Variants in PTGER4 observed in about 807,000 individuals in gnomAD.
The protein encoded by PTGER4 is prostaglandin E receptor 4.
A neutral mutation model predicts 33.2 loss-of-function variants in PTGER4; 11 were observed. The observed-to-expected ratio is 0.33, with a 90% CI of 0.21 to 0.55. PTGER4 has a LOEUF of 0.55. Among genes scored for constraint, PTGER4 ranks in the 20% least tolerant of loss-of-function variants. The pLI is 0.92. For missense variants in PTGER4, 481 were observed against 650.2 expected (o/e 0.74, Z 2.83); for synonymous variants, 275 against 281.5 (o/e 0.98, Z 0.23).
the PTGER4 span, among the ~76,000 whole-genome samples, chr5:40,732,229 C>G: frequency 6.6e-6 from 1 of 152,004 alleles, no homozygotes; most frequent in East Asian, 1.9e-4. Flanking sequence ...GTTGCTCAGG[C>G]TGGTCTCAAA....
the PTGER4 span, among the ~76,000 whole-genome samples, chr5:40,739,491 G>T: frequency 6.6e-6 from 1 of 152,148 alleles, no homozygotes; most frequent in Non-Finnish European, 1.5e-5. Context: ...CATGGGGGCA[G>T]GTTTCCCTCT....
chr5:40,698,092 C>CAAAAAAAAAA (rs1156254550), downstream of PTGER4, among the ~76,000 whole-genome samples: 94 of 40,030 alleles, frequency 2.3e-3, 5 homozygotes, highest in South Asian at 3.5e-3. Flanking sequence ...CCTGTCTCTA[C>CAAAAAAAAAA]AAAAAAAAAA....
At chr5:40,704,498 T>C in the PTGER4 span, among the ~76,000 whole-genome samples, 1 of 152,006 alleles carries the variant, frequency 6.6e-6, no homozygotes, top group African/African-American at 2.4e-5. Context: ...AATCAGGCAA[T>C]AAAAAGAAAT....
At chr5:40,695,326 C>T (rs1158298368), downstream of PTGER4, among the ~76,000 whole-genome samples, 3 of 152,032 alleles carry the variant, frequency 2.0e-5, no homozygotes, top group East Asian at 3.9e-4. Context: ...GGGCAGATCA[C>T]GAGGTCAGGA....
At chr5:40,696,759 A>C (rs954937985), downstream of PTGER4, 7 of 925,060 alleles carry the variant, frequency 7.6e-6, no homozygotes, top group Non-Finnish European at 9.0e-6. Context: ...AATCTGAACA[A>C]TTAGGTAAGT....
At chr5:40,687,562 G>A (rs1741357435) in intron 2 of PTGER4, among the ~76,000 whole-genome samples, 2 of 152,216 alleles carry the variant, frequency 1.3e-5, no homozygotes, top group Non-Finnish European at 1.5e-5. Flanking sequence ...AAATCAAGTA[G>A]CCTACTTAAA....
intron 2 of PTGER4, among the ~76,000 whole-genome samples, chr5:40,684,402 G>A (rs560582307): frequency 2.0e-5 from 3 of 152,100 alleles, no homozygotes; most frequent in South Asian, 4.1e-4. Context: ...CTTTGGAAAG[G>A]CTAACAAAGC....
chr5:40,724,263 G>A, the PTGER4 span, among the ~76,000 whole-genome samples: 2 of 152,184 alleles, frequency 1.3e-5, no homozygotes, highest in Non-Finnish European at 2.9e-5. Context: ...AGTGAAAGAA[G>A]CCAGTCACAG....
At chr5:40,738,490 AATACAATACAATAC>A in the PTGER4 span, among the ~76,000 whole-genome samples, 1 of 137,344 alleles carries the variant, frequency 7.3e-6, no homozygotes, top group African/African-American at 2.8e-5. Flanking sequence ...AATACAATAC[AATACAATACAATAC>A]AATAAAATAC....
downstream of PTGER4, among the ~76,000 whole-genome samples, chr5:40,698,264 C>A (rs111789476): frequency 8.2e-3 from 1,237 of 151,774 alleles, 7 homozygotes; most frequent in Non-Finnish European, 0.013. Context: ...GGCAACAAAC[C>A]AAGACCCTGT....
chr5:40,697,231 AAAGAAAGAAAGAAAGAAAGAAAGAAAG>A (rs1315079208), downstream of PTGER4, among the ~76,000 whole-genome samples: 1 of 37,100 alleles, frequency 2.7e-5, no homozygotes, highest in Non-Finnish European at 6.1e-5. Flanking sequence ...AGAAGAAAAG[AAAGAAAGAAAGAAAGAAAGAAAGAAAG>A]AAAGAAAGAA....
At chr5:40,733,968 T>C in the PTGER4 span, among the ~76,000 whole-genome samples, 12 of 152,318 alleles carry the variant, frequency 7.9e-5, no homozygotes, top group Non-Finnish European at 1.3e-4. Flanking sequence ...ATGTCCTCTC[T>C]TCTCAACTGC....
chr5:40,687,567 C>T (rs1741357587), intron 2 of PTGER4, among the ~76,000 whole-genome samples: 1 of 152,212 alleles, frequency 6.6e-6, no homozygotes, highest in South Asian at 2.1e-4. Context: ...AAGTAGCCTA[C>T]TTAAAGTGAA....
chr5:40,696,999 GGAAAGAAAGAGA>G (rs1169861561), downstream of PTGER4, among the ~76,000 whole-genome samples: 6 of 127,386 alleles, frequency 4.7e-5, no homozygotes, highest in African/African-American at 1.2e-4. Context: ...AAAGAGAAAG[GGAAAGAAAGAGA>G]GAAAGAAAGA....
chr5:40,712,767 T>A, the PTGER4 span, among the ~76,000 whole-genome samples: 73 of 152,246 alleles, frequency 4.8e-4, no homozygotes, highest in African/African-American at 1.7e-3. Context: ...GAGATTAGAA[T>A]TCCTTGGTAA....
the PTGER4 span, among the ~76,000 whole-genome samples, chr5:40,704,772 G>A: frequency 6.6e-6 from 1 of 152,210 alleles, no homozygotes; most frequent in Non-Finnish European, 1.5e-5. Context: ...AACCAGGGAT[G>A]TGAATGGTCT....
At chr5:40,696,781 T>C (rs991346184), downstream of PTGER4, 15 of 872,612 alleles carry the variant, frequency 1.7e-5, no homozygotes, top group African/African-American at 2.6e-4. Context: ...TTTCTCTTTC[T>C]TGAGAAGGGG....
chr5:40,697,259 AAAGAAAGAAAG>A (rs1389685022), downstream of PTGER4, among the ~76,000 whole-genome samples: 1 of 111,590 alleles, frequency 9.0e-6, no homozygotes, highest in African/African-American at 2.8e-5. Flanking sequence ...AGAAAGAAAG[AAAGAAAGAAAG>A]AAAGAAAGAA....
chr5:40,737,841 T>C, the PTGER4 span, among the ~76,000 whole-genome samples: 1 of 152,242 alleles, frequency 6.6e-6, no homozygotes, highest in East Asian at 1.9e-4. Flanking sequence ...TCAGACGGTA[T>C]GTACTCTTCC....
Sources: allele counts gnomAD v4.1 joint callset (sites outside exome capture counted in the v4.1 genomes callset), GRCh38; gene constraint gnomAD v4.1.1; transcripts MANE v1.5; gene names NCBI Gene and HGNC (gene_info 2026-07-23, HGNC 2026-07-21).